The following IQGAP2 variants were observed in gnomAD, a reference collection of about 807,000 sequenced individuals.
The protein encoded by IQGAP2 is ras GTPase-activating-like protein IQGAP2.
Under a neutral mutation model 201.3 loss-of-function variants are expected in IQGAP2, and 173 were observed. That is an observed-to-expected ratio of 0.86 (90% confidence interval 0.76 to 0.98). The LOEUF (loss-of-function observed/expected upper bound fraction) is 0.98. IQGAP2 is among the 50% of genes least tolerant of loss of function. The pLI is 0.00. For missense variants in IQGAP2, 1,687 were observed against 1,864.8 expected, an observed-to-expected ratio of 0.90 and a Z score of 1.76; for synonymous variants, 675 against 673.9, an observed-to-expected ratio of 1.00 and a Z score of -0.03.
intron 31 of IQGAP2, 45 bp from the exon 32 acceptor site, chr5:76,695,409 T>G (rs756997074): frequency 1.3e-6 from 2 of 1,516,414 alleles, no homozygotes; most frequent in South Asian, 1.1e-5. Flanking sequence ...AACTGTGAAA[T>G]TAGGGGATCA....
At position 76,597,618 on chromosome 5, in the gene IQGAP2, C is replaced by T. The variant is rs1327893661; in HGVS notation, c.1071+16C>T. 2 of 1,613,418 alleles carry T rather than the reference C, an allele frequency of 1.2e-6. No individual in the cohort carries two copies. Among genetic ancestry groups the T allele is most frequent in the African/African-American group, 1.3e-5 (1 of 74,986 alleles). ...GAACACCATGGTAAGTCAGAGGAGA[C>T]CCCAGCTGTGGGGACGGTAACCCTG... On this transcript the variant is annotated intron_variant, in intron 10 of 35. Transcript: ENST00000274364.
At chr5:76,704,119 C>G (rs1747670569) in intron 35 of IQGAP2, among the ~76,000 whole-genome samples, 2 of 152,332 alleles carry the variant, frequency 1.3e-5, no homozygotes, top group South Asian at 4.1e-4. Context: ...GTATTGTTTT[C>G]TAACTTACTT....
intron 2 of IQGAP2, chr5:76,510,560 C>A (rs1003548473): frequency 1.1e-5 from 5 of 457,574 alleles, no homozygotes; most frequent in Non-Finnish European, 1.8e-5. Flanking sequence ...GGTATAGAGT[C>A]TCATGGACAC....
At chr5:76,617,460 G>T in intron 13 of IQGAP2, 2 of 706,370 alleles carry the variant, frequency 2.8e-6, no homozygotes, top group South Asian at 2.0e-5. Flanking sequence ...CTTTTGTAAT[G>T]TTTGACCTTT....
intron 31 of IQGAP2, chr5:76,694,041 T>C (rs1019608632): frequency 6.6e-6 from 1 of 152,266 alleles, no homozygotes; most frequent in African/African-American, 2.4e-5. Flanking sequence ...AAGTTAATTA[T>C]TTAATTAACT....
chr5:76,642,581 A>C (rs1056799059), intron 17 of IQGAP2, among the ~76,000 whole-genome samples: 2 of 152,174 alleles, frequency 1.3e-5, no homozygotes, highest in African/African-American at 4.8e-5. Context: ...GACCCATAAA[A>C]CCAAGAGACT....
chr5:76,427,234 T>A (rs1046132991), intron 1 of IQGAP2, among the ~76,000 whole-genome samples: 6 of 152,168 alleles, frequency 3.9e-5, no homozygotes, highest in African/African-American at 1.4e-4. Flanking sequence ...CGGTTAAGAA[T>A]CACTGTTATA....
chr5:76,521,541 C>T (rs1254455895), intron 2 of IQGAP2, among the ~76,000 whole-genome samples: 1 of 152,184 alleles, frequency 6.6e-6, no homozygotes. Context: ...CACTTTTAGG[C>T]AGCGTCTGCC....
intron 2 of IQGAP2, among the ~76,000 whole-genome samples, chr5:76,507,488 C>T (rs761214381): frequency 2.0e-5 from 3 of 151,938 alleles, no homozygotes; most frequent in Non-Finnish European, 4.4e-5. Flanking sequence ...TTGGCATTGA[C>T]GTTATGTACA....
intron 13 of IQGAP2, among the ~76,000 whole-genome samples, chr5:76,619,072 A>G (rs1325121702): frequency 2.0e-5 from 3 of 152,238 alleles, no homozygotes; most frequent in Non-Finnish European, 2.9e-5. Flanking sequence ...TCTGCTGGTG[A>G]TGAATGGACA....
chr5:76,653,137 A>G (rs571297853), intron 18 of IQGAP2, among the ~76,000 whole-genome samples: 1 of 152,352 alleles, frequency 6.6e-6, no homozygotes, highest in Non-Finnish European at 1.5e-5. Flanking sequence ...GACTTTAGGT[A>G]GAACCCAGCT....
rs1746917240 is a variant in IQGAP2 at position 76,698,034 on chromosome 5, G to A, written c.4254G>A (p.Leu1418=). ...ATCGTAAGCTTCGAAAAGCTGAATTGGCAAAACTTCAGCAGACCCTGAATG... is the reference window on the plus strand; with the variant it reads ...ATCGTAAGCTTCGAAAAGCTGAATTAGCAAAACTTCAGCAGACCCTGAATG... ...RIYRKLRKAE[L]AKLQQTLNAL... The change falls in exon 33 of 36, where the codon TTG becomes TTA. Residue 1418 remains leucine (L), a synonymous_variant. Coordinates refer to ENST00000274364, the MANE Select transcript of IQGAP2 (RefSeq NM_006633.5). 6.2e-7 allele frequency: 1 copy of A among 1,612,988 alleles called. No individual in the cohort carries two copies. The highest frequency in any genetic ancestry group is 8.5e-7 in the Non-Finnish European group (1 of 1,179,354).
At chr5:76,634,623 G>A (rs781456402) in intron 15 of IQGAP2, among the ~76,000 whole-genome samples, 5 of 152,078 alleles carry the variant, frequency 3.3e-5, no homozygotes, top group Non-Finnish European at 7.4e-5. Flanking sequence ...AGCATCCCAA[G>A]CAATTAAAGA....
At chr5:76,520,946 T>G (rs1247499941) in intron 2 of IQGAP2, among the ~76,000 whole-genome samples, 3 of 151,460 alleles carry the variant, frequency 2.0e-5, no homozygotes, top group Non-Finnish European at 4.4e-5. Context: ...TTACCTCATG[T>G]TCCACCCGCC....
intron 14 of IQGAP2, among the ~76,000 whole-genome samples, chr5:76,631,554 T>C (rs1750705895): frequency 6.6e-6 from 1 of 152,214 alleles, no homozygotes; most frequent in South Asian, 2.1e-4. Flanking sequence ...ATATCTATGT[T>C]CGTGTGTATT....
At chr5:76,532,845 C>T (rs1395383340) in intron 2 of IQGAP2, among the ~76,000 whole-genome samples, 1 of 152,234 alleles carries the variant, frequency 6.6e-6, no homozygotes, top group Non-Finnish European at 1.5e-5. Context: ...AGCAATTTCC[C>T]TTCACTCCCA....
intron 12 of IQGAP2, chr5:76,607,460 A>G (rs1747894125): frequency 6.6e-6 from 1 of 152,070 alleles, no homozygotes; most frequent in East Asian, 1.9e-4. Flanking sequence ...GGACACTTTC[A>G]TTTTGTCCTT....
chr5:76,479,252 G>C (rs757497955), intron 2 of IQGAP2, among the ~76,000 whole-genome samples: 27 of 152,172 alleles, frequency 1.8e-4, no homozygotes, highest in Non-Finnish European at 3.2e-4. Flanking sequence ...GTACCCCACT[G>C]CCTTGCACGG....
intron 22 of IQGAP2, among the ~76,000 whole-genome samples, chr5:76,668,066 A>G (rs1408119535): frequency 6.6e-6 from 1 of 151,588 alleles, no homozygotes; most frequent in Non-Finnish European, 1.5e-5. Flanking sequence ...ACTTTTTTCT[A>G]GAGACAGGGT....
Sources: gnomAD v4.1 joint callset for allele counts (sites outside exome capture counted in the v4.1 genomes callset) on GRCh38, gnomAD v4.1.1 for gene constraint, MANE v1.5 for transcripts, NCBI Gene and HGNC (gene_info 2026-07-23, HGNC 2026-07-21) for gene names.